CFAP91: variants seen among roughly 807,000 people sequenced by gnomAD.
CFAP91 encodes the protein cilia- and flagella-associated protein 91.
Under a neutral mutation model 95.9 loss-of-function variants are expected in CFAP91, and 85 were observed. The ratio of observed to expected loss-of-function variants is 0.89; its 90% CI spans 0.74 to 1.06. The LOEUF (loss-of-function observed/expected upper bound fraction) is 1.06, where lower values mean the gene tolerates loss of function less well. Among genes scored for constraint, CFAP91 ranks in the 50% least tolerant of loss-of-function variants. The probability of loss-of-function intolerance (pLI) is 0.00; values close to 1 mark genes in which losing one functional copy is unlikely to be tolerated. For synonymous variants in CFAP91, 335 were observed against 327.5 expected, an observed-to-expected ratio of 1.02 and a Z score of -0.25; for missense variants, 962 against 943.4, an observed-to-expected ratio of 1.02 and a Z score of -0.26.
At chr3:119,706,307 G>A (rs1292206320) in intron 1 of CFAP91, 5 of 152,526 alleles carry the variant, frequency 3.3e-5, no homozygotes, top group African/African-American at 1.2e-4. Flanking sequence ...GAATTCTGAA[G>A]ATAGCTGATT....
rs756212899 is a variant in CFAP91, at chr3:119,747,798, T to G, written c.2052-13T>G. 1 of 1,606,414 alleles carries G rather than the reference T, an allele frequency of 6.2e-7. No individual in the cohort carries two copies. The highest frequency in any genetic ancestry group is 1.1e-5 in the South Asian group (1 of 89,862). On this transcript the variant is annotated splice_polypyrimidine_tract_variant and intron_variant, in intron 15 of 17. Transcript: ENST00000273390. ...AACCAAAGAAATAATTCAATTTGTTTTATATTTTTTAGCCGAACCTATCTT... is the reference window on the plus strand; with the variant it reads ...AACCAAAGAAATAATTCAATTTGTTGTATATTTTTTAGCCGAACCTATCTT...
At chr3:119,751,207 A>C (rs1241496644) in intron 17 of CFAP91, 109 bp downstream of exon 17, 10 of 1,231,924 alleles carry the variant, frequency 8.1e-6, no homozygotes, top group Non-Finnish European at 1.1e-5. Flanking sequence ...GCTGTTTAAG[A>C]AATGGAGGAC....
chr3:119,732,385 G>A lies in CFAP91; in HGVS notation c.1110G>A (p.Gln370=). The change falls in exon 9 of 18, where the codon CAG becomes CAA. Residue 370 remains glutamine (Q), a synonymous_variant. Transcript: ENST00000273390. Reference sequence around the variant, plus strand: ...AGGATTATTCTGATTATGCATCACAGGTCTATGGACCTCTGTCTCGTCTTG... The same window carrying A: ...AGGATTATTCTGATTATGCATCACAAGTCTATGGACCTCTGTCTCGTCTTG... ...IIKDYSDYAS[Q]VYGPLSRLGC... 6.2e-7 allele frequency: 1 copy of A among 1,613,114 alleles called. No individual in the cohort carries two copies.
chr3:119,709,369 TTCTTAAC>T (rs1242846599), intron 4 of CFAP91, among the ~76,000 whole-genome samples: 1 of 152,230 alleles, frequency 6.6e-6, no homozygotes, highest in Non-Finnish European at 1.5e-5. Flanking sequence ...AAATGTTAAA[TTCTTAAC>T]TGTTAACTAT....
intron 10 of CFAP91, among the ~76,000 whole-genome samples, chr3:119,736,151 A>G (rs1184046716): frequency 2.0e-5 from 3 of 151,866 alleles, no homozygotes; most frequent in African/African-American, 4.8e-5. Flanking sequence ...CATCACCACT[A>G]TCTAATTCCA....
chr3:119,715,699 A>T lies in CFAP91; in HGVS notation c.638A>T (p.Gln213Leu). The T allele has an allele frequency of 1.2e-6, 2 of 1,614,098 alleles. No homozygotes were observed. The highest frequency in any genetic ancestry group is 1.7e-6 in the Non-Finnish European group (2 of 1,179,946). Residue 213 changes from glutamine (Q) to leucine (L), a missense_variant, in exon 6 of 18, where the codon CAG becomes CTG. Gln to Leu is a moderately radical substitution (Grantham distance 113). Transcript: ENST00000273390. ...DPYSAEYVVC[Q>L]DSIPELLTLA... ...TACTCTGCAGAATATGTAGTATGTC[A>T]GGACTCAATCCCTGAGCTCTTGACC...
At chr3:119,763,967 G>C (rs1389856429) in intron 17 of CFAP91, among the ~76,000 whole-genome samples, 3 of 152,044 alleles carry the variant, frequency 2.0e-5, no homozygotes, top group Admixed American at 2.0e-4. Flanking sequence ...ATAGCAAAGA[G>C]AGATTTTAAG....
intron 5 of CFAP91, chr3:119,715,304 A>T (rs1332699420): frequency 1.7e-6 from 1 of 586,604 alleles, no homozygotes. Flanking sequence ...AGTGACACAC[A>T]TATAAATAGG....
At chr3:119,705,550 A>AT (rs1383106409) in intron 1 of CFAP91, among the ~76,000 whole-genome samples, 5 of 152,180 alleles carry the variant, frequency 3.3e-5, no homozygotes, top group African/African-American at 1.2e-4. Flanking sequence ...TGTTCTTCAG[A>AT]TATCTAACTA....
intron 5 of CFAP91, among the ~76,000 whole-genome samples, chr3:119,715,015 T>C (rs1431675350): frequency 6.6e-6 from 1 of 152,222 alleles, no homozygotes; most frequent in Non-Finnish European, 1.5e-5. Context: ...CACATGTTAA[T>C]AACAAAGTGA....
chr3:119,757,363 G>T (rs1159813776), intron 17 of CFAP91, among the ~76,000 whole-genome samples: 1 of 152,102 alleles, frequency 6.6e-6, no homozygotes, highest in East Asian at 1.9e-4. Flanking sequence ...GAAATATTTG[G>T]CTGGGTGCAG....
In CFAP91 at chr3:119,744,155, GA is replaced by G; in HGVS notation, c.1866del (p.Lys622AsnfsTer22). The G allele has an allele frequency of 6.2e-7, 1 of 1,613,734 alleles. No homozygotes were observed. The highest frequency in any genetic ancestry group is 1.3e-5 in the African/African-American group (1 of 75,046). On this transcript the variant is annotated frameshift_variant, in exon 14 of 18. Transcript: ENST00000273390. LOFTEE classifies it high-confidence loss of function. ...TGAAGAGAGTGGTCGGCGCCAGGTG[GA>G]AAAACAGCGCCTGCGGGAGGAGGAC... ...EAEESGRRQV[E>X]KQRLREEDEI...
chr3:119,762,593 A>C (rs1001665542), intron 17 of CFAP91, among the ~76,000 whole-genome samples: 2 of 152,102 alleles, frequency 1.3e-5, no homozygotes, highest in Non-Finnish European at 2.9e-5. Context: ...CTGCAAAGCT[A>C]TGCTAATCAA....
intron 16 of CFAP91, among the ~76,000 whole-genome samples, chr3:119,748,750 C>G (rs1410590909): frequency 6.6e-6 from 1 of 152,150 alleles, no homozygotes; most frequent in Non-Finnish European, 1.5e-5. Context: ...TAAACCAGTA[C>G]CCCCTAAGGA....
intron 4 of CFAP91, 69 bp downstream of exon 4, chr3:119,708,743 A>T: frequency 1.1e-6 from 1 of 947,078 alleles, no homozygotes; most frequent in Non-Finnish European, 1.6e-6. Flanking sequence ...GATAATAATA[A>T]TAGTTATCAT....
intron 17 of CFAP91, among the ~76,000 whole-genome samples, chr3:119,763,611 T>G (rs1359792097): frequency 6.6e-6 from 1 of 150,608 alleles, no homozygotes; most frequent in African/African-American, 2.5e-5. Flanking sequence ...TTGAATACTA[T>G]TCAGCCTTAA....
intron 16 of CFAP91, among the ~76,000 whole-genome samples, chr3:119,749,654 A>G (rs1390014572): frequency 6.6e-6 from 1 of 152,172 alleles, no homozygotes; most frequent in Non-Finnish European, 1.5e-5. Flanking sequence ...ATGAGTCCTT[A>G]GCCTCTTCCC....
In CFAP91 at chr3:119,747,872, G is replaced by C. The variant is rs769511102; in HGVS notation, c.2113G>C (p.Glu705Gln). 124 of 1,613,328 alleles carry C rather than the reference G, an allele frequency of 7.7e-5. No homozygotes were observed. The highest frequency in any genetic ancestry group is 9.9e-5 in the Non-Finnish European group (117 of 1,179,690). The change falls in exon 16 of 18, where the codon GAG becomes CAG. Residue 705 changes from glutamate (E) to glutamine (Q), a missense_variant. Coordinates refer to ENST00000273390, the MANE Select transcript of CFAP91 (RefSeq NM_033364.4). ...GTTGGTTTATAGTTTTCTGATCCCA[G>C]AGGTGCAAAAATACTTTGTCAAAGA... ...AELVYSFLIP[E>Q]VQKYFVKEKV...
intron 8 of CFAP91, 106 bp from the exon 9 acceptor site, chr3:119,732,188 A>T: frequency 1.1e-6 from 1 of 874,372 alleles, no homozygotes; most frequent in East Asian, 2.7e-5. Flanking sequence ...AAATTCATTC[A>T]TTTCAATAGC....
Sources: gnomAD v4.1 joint callset for allele counts (sites outside exome capture counted in the v4.1 genomes callset) on GRCh38, gnomAD v4.1.1 for gene constraint, MANE v1.5 for transcripts, NCBI Gene and HGNC (gene_info 2026-07-23, HGNC 2026-07-21) for gene names.